The following KDM3B variants were observed in gnomAD, a reference collection of about 807,000 sequenced individuals.
The protein encoded by KDM3B is lysine-specific demethylase 3B.
A neutral mutation model predicts 170.0 loss-of-function variants in KDM3B; 10 were observed. The ratio of observed to expected loss-of-function variants is 0.06; its 90% CI spans 0.04 to 0.10. The LOEUF (loss-of-function observed/expected upper bound fraction) is 0.10, where lower values mean the gene tolerates loss of function less well. Ranked by LOEUF, KDM3B falls within the 10% of genes least tolerant of loss-of-function variation. KDM3B has a pLI of 1.00. For synonymous variants in KDM3B, 831 were observed against 834.8 expected (o/e 1.00, Z 0.08); for missense variants, 1,394 against 2,195.2 (o/e 0.64, Z 7.29).
intron 14 of KDM3B, 103 bp downstream of exon 14, chr5:138,419,335 T>C (rs1763192496): frequency 7.5e-7 from 1 of 1,340,480 alleles, no homozygotes; most frequent in Non-Finnish European, 1.0e-6. Context: ...TGAAACATGC[T>C]ACTTACTTTC....
At position 138,430,380 on chromosome 5, in the gene KDM3B, G is replaced by A. The variant is rs765809655; in HGVS notation, c.5025G>A (p.Gln1675=). The A allele has an allele frequency of 4.3e-6, 7 of 1,614,122 alleles. No individual in the cohort carries two copies. In the South Asian group the frequency reaches 7.7e-5, roughly 18 times the overall value. ...EYGVQGWAIV[Q]FLGDAVFIPA... Reference sequence around the variant, plus strand: ...GCGTGCAAGGCTGGGCTATTGTGCAGTTCCTAGGTGATGCTGTTTTCATAC... The same window carrying A: ...GCGTGCAAGGCTGGGCTATTGTGCAATTCCTAGGTGATGCTGTTTTCATAC... Residue 1675 remains glutamine, a synonymous_variant, in exon 22 of 24, where the codon CAG becomes CAA. Coordinates refer to ENST00000314358, the MANE Select transcript of KDM3B (RefSeq NM_016604.4).
intron 11 of KDM3B, 147 bp downstream of exon 11, chr5:138,400,159 A>G: frequency 3.0e-6 from 2 of 667,806 alleles, no homozygotes; most frequent in South Asian, 5.0e-5. Context: ...TTAAGACCTT[A>G]AAATGGCAAA....
At chr5:138,415,833 T>G (rs1287352881) in intron 12 of KDM3B, among the ~76,000 whole-genome samples, 1 of 152,138 alleles carries the variant, frequency 6.6e-6, no homozygotes, top group Non-Finnish European at 1.5e-5. Context: ...GACCTGGTCT[T>G]GTTTCCAGAT....
At chr5:138,429,633 C>G (rs1022220240) in intron 20 of KDM3B, among the ~76,000 whole-genome samples, 193 bp from the exon 21 acceptor site, 1 of 152,202 alleles carries the variant, frequency 6.6e-6, no homozygotes, top group Non-Finnish European at 1.5e-5. Context: ...TGCTGAATCT[C>G]TAATAAGTAA....
chr5:138,385,464 C>T (rs1203793191), intron 6 of KDM3B, among the ~76,000 whole-genome samples: 1 of 152,182 alleles, frequency 6.6e-6, no homozygotes, highest in South Asian at 2.1e-4. Context: ...ATCTCCTGAC[C>T]TTGTGATCTG....
At chr5:138,414,749 A>C (rs1173663457) in intron 11 of KDM3B, among the ~76,000 whole-genome samples, 1 of 152,178 alleles carries the variant, frequency 6.6e-6, no homozygotes, top group African/African-American at 2.4e-5. Flanking sequence ...TGAGCCCAGG[A>C]GTTGGAGACC....
At chr5:138,405,019 G>A (rs1212471635) in intron 11 of KDM3B, among the ~76,000 whole-genome samples, 1 of 151,956 alleles carries the variant, frequency 6.6e-6, no homozygotes, top group East Asian at 1.9e-4. Context: ...GGGATTACAG[G>A]CGTGAGCCAC....
At position 138,391,851 on chromosome 5, in the gene KDM3B, C is replaced by G. The variant is rs1762441026; in HGVS notation, c.2219C>G (p.Thr740Ser). 2 of 1,614,160 alleles carry G rather than the reference C, an allele frequency of 1.2e-6. No homozygotes were observed. The highest frequency in any genetic ancestry group is 4.5e-5 in the East Asian group (2 of 44,878). Residue 740 changes from threonine (T) to serine (S), a missense_variant, in exon 8 of 24, where the codon ACT becomes AGT. By Grantham distance (58) the Thr-to-Ser change is moderately conservative. Around this residue, in one of 19 missense-constraint regions of KDM3B, gnomAD observed 294 missense variants for 311.7 expected, o/e 0.94. Coordinates refer to ENST00000314358, the MANE Select transcript of KDM3B (RefSeq NM_016604.4). The surrounding 1 kb of genome is among the most constrained non-coding windows in gnomAD (Gnocchi z 5.0). ...CTCACTCAGCCCATTGAGATGCCAA[C>G]TCTCTCCTCTAGCCCCACAGAGGAG... ...SSLTQPIEMP[T>S]LSSSPTEERP...
Position 138,377,840 on chromosome 5 carries a change from T to G in KDM3B, c.580+15T>G. ...ATTCAGCCGAGGTAAGAACGGATAG[T>G]CTTCTGTCCCTGAACTCTGATTCAG... On this transcript the variant is annotated intron_variant, in intron 4 of 23. Coordinates refer to ENST00000314358, the MANE Select transcript of KDM3B (RefSeq NM_016604.4). 6.4e-7 allele frequency: 1 copy of G among 1,570,048 alleles called. No individual in the cohort carries two copies. The highest frequency in any genetic ancestry group is 8.8e-7 in the Non-Finnish European group (1 of 1,140,182).
Position 138,381,574 on chromosome 5 carries a change from C to T in KDM3B, c.764C>T (p.Ser255Leu). ...RLIHVMLMDNSAPQSEGGTLK... is the reference protein window; with the variant it reads ...RLIHVMLMDNLAPQSEGGTLK... ...ATCCATGTGATGCTGATGGATAATT[C>T]AGCGCCTCAAAGCGAGGTACAGTAA... The change falls in exon 6 of 24, where the codon TCA (serine) becomes TTA (leucine). Residue 255 changes from serine (S) to leucine (L), a missense_variant. Physicochemically the swap from Ser to Leu is moderately radical, Grantham distance 145. Coordinates refer to ENST00000314358, the MANE Select transcript of KDM3B (RefSeq NM_016604.4). 6.2e-7 allele frequency: 1 copy of T among 1,601,176 alleles called. No homozygotes were observed. The highest frequency in any genetic ancestry group is 8.6e-7 in the Non-Finnish European group (1 of 1,168,096).
chr5:138,398,050 G>A, intron 9 of KDM3B, 128 bp from the exon 10 acceptor site: 3 of 674,520 alleles, frequency 4.4e-6, no homozygotes, highest in South Asian at 1.9e-5. Context: ...TACTGTTTTG[G>A]TCGACTGGTG....
At chr5:138,379,213 T>C (rs1420149642) in intron 4 of KDM3B, among the ~76,000 whole-genome samples, 1 of 152,196 alleles carries the variant, frequency 6.6e-6, no homozygotes, top group Non-Finnish European at 1.5e-5. Context: ...CATGTACATG[T>C]AGTTAGATAC....
At chr5:138,354,978 A>G (rs1438729792) in intron 1 of KDM3B, among the ~76,000 whole-genome samples, 6 of 152,210 alleles carry the variant, frequency 3.9e-5, no homozygotes, top group Non-Finnish European at 7.3e-5. Context: ...AATGACAATG[A>G]CCAGTGTAGG....
chr5:138,427,982 A>C lies in KDM3B; in HGVS notation c.4649A>C (p.Glu1550Ala). ...TCTCCTTTAGGGTTGATAACAGCAG[A>C]AGATAGAAGAGTTGGTACAACAAAT... ...MYNAYGLITAEDRRVGTTNLH... is the reference protein window; with the variant it reads ...MYNAYGLITAADRRVGTTNLH... The change falls in exon 20 of 24, where the codon GAA becomes GCA. Residue 1550 changes from glutamate (E) to alanine (A), a missense_variant. Glu to Ala is a moderately radical substitution (Grantham distance 107). Transcript: ENST00000314358. The C allele has an allele frequency of 6.2e-7, 1 of 1,613,526 alleles. No individual in the cohort carries two copies. Among genetic ancestry groups the C allele is most frequent in the Non-Finnish European group, 8.5e-7 (1 of 1,179,572 alleles).
At chr5:138,354,786 A>C (rs986833315) in intron 1 of KDM3B, among the ~76,000 whole-genome samples, 2 of 152,228 alleles carry the variant, frequency 1.3e-5, no homozygotes, top group Non-Finnish European at 2.9e-5. Context: ...GAGGTCTTGC[A>C]TAGGGCTGTG....
chr5:138,386,314 C>G lies in KDM3B; in HGVS notation c.1073C>G (p.Thr358Ser), dbSNP rs1347056262. ...ATAAACCGCAACATTCGCTTTGCCA[C>G]TTACACCAAAGAAAACGGCAGGACT... ...PQINRNIRFA[T>S]YTKENGRTLV... The change falls in exon 7 of 24, where the codon ACT becomes AGT. Residue 358 changes from threonine (T) to serine (S), a missense_variant. Physicochemically the swap from Thr to Ser is moderately conservative, Grantham distance 58 (BLOSUM62 1). Around this residue, in one of 19 missense-constraint regions of KDM3B, gnomAD observed 205 missense variants for 227.6 expected, o/e 0.90. Coordinates refer to ENST00000314358, the MANE Select transcript of KDM3B (RefSeq NM_016604.4). 1 of 1,614,074 alleles carries G rather than the reference C, an allele frequency of 6.2e-7. No individual in the cohort carries two copies. Among genetic ancestry groups the G allele is most frequent in the Non-Finnish European group, 8.5e-7 (1 of 1,180,048 alleles).
chr5:138,381,130 T>C (rs539414831), intron 5 of KDM3B, among the ~76,000 whole-genome samples: 27 of 152,258 alleles, frequency 1.8e-4, no homozygotes, highest in Non-Finnish European at 3.1e-4. Flanking sequence ...CACCTTGGCC[T>C]CCCAAAATGC....
intron 1 of KDM3B, among the ~76,000 whole-genome samples, chr5:138,369,282 G>A (rs1178639994): frequency 6.6e-6 from 1 of 152,142 alleles, no homozygotes; most frequent in East Asian, 1.9e-4. Flanking sequence ...TCATCTTTGT[G>A]ATGGTAGCAC....
intron 14 of KDM3B, among the ~76,000 whole-genome samples, chr5:138,420,417 A>G (rs73792448): frequency 7.5e-4 from 115 of 152,336 alleles, no homozygotes; most frequent in African/African-American, 2.6e-3. Flanking sequence ...CTGAAGATAC[A>G]CTTGAAACAC....
Sources: allele counts gnomAD v4.1 joint callset (sites outside exome capture counted in the v4.1 genomes callset), GRCh38; gene constraint gnomAD v4.1.1; regional missense constraint gnomAD v4.1.1; non-coding constraint Gnocchi (gnomAD v3.1); transcripts MANE v1.5; gene names NCBI Gene and HGNC (gene_info 2026-07-23, HGNC 2026-07-21).